ARHGAP42: variants seen among roughly 807,000 people sequenced by gnomAD.
ARHGAP42 encodes Rho GTPase activating protein 42.
Under a neutral mutation model 125.0 loss-of-function variants are expected in ARHGAP42, and 63 were observed. The ratio of observed to expected loss-of-function variants is 0.50; its 90% confidence interval spans 0.41 to 0.62. The LOEUF is 0.62. Among genes scored for constraint, ARHGAP42 ranks in the 20% least tolerant of loss-of-function variants. The probability of loss-of-function intolerance (pLI) is 0.00; values close to 1 mark genes in which losing one functional copy is unlikely to be tolerated. For synonymous variants in ARHGAP42, 339 were observed against 351.0 expected (o/e 0.97, Z 0.38); for missense variants, 766 against 1,024.2 (o/e 0.75, Z 3.44).
At chr11:100,925,051 C>T (rs574029667) in intron 6 of ARHGAP42, among the ~76,000 whole-genome samples, 3 of 152,098 alleles carry the variant, frequency 2.0e-5, no homozygotes, top group African/African-American at 7.2e-5. Flanking sequence ...AGGCTGTTCT[C>T]GAACTCCTGA....
intron 1 of ARHGAP42, among the ~76,000 whole-genome samples, chr11:100,695,416 G>T (rs1279953382): frequency 6.6e-6 from 1 of 152,070 alleles, no homozygotes. Flanking sequence ...CTATTCTCCT[G>T]CCTCAGCCTC....
intron 3 of ARHGAP42, among the ~76,000 whole-genome samples, chr11:100,850,420 A>G (rs1865174779): frequency 6.6e-6 from 1 of 152,168 alleles, no homozygotes; most frequent in Admixed American, 6.6e-5. Context: ...TTGTACTGCA[A>G]TGTCACAACA....
intron 4 of ARHGAP42, among the ~76,000 whole-genome samples, chr11:100,880,308 G>A (rs965252631): frequency 6.6e-5 from 10 of 152,010 alleles, no homozygotes; most frequent in Non-Finnish European, 1.5e-4. Context: ...TTACGCCTTT[G>A]CATCCTCATA....
At chr11:100,871,686 C>T (rs1283299069) in intron 4 of ARHGAP42, among the ~76,000 whole-genome samples, 1 of 152,118 alleles carries the variant, frequency 6.6e-6, no homozygotes, top group Non-Finnish European at 1.5e-5. Context: ...TTTGTCAAAG[C>T]TGCCAGGATT....
intron 17 of ARHGAP42, among the ~76,000 whole-genome samples, chr11:100,967,313 C>T (rs1443201717): frequency 1.3e-5 from 2 of 152,086 alleles, no homozygotes; most frequent in East Asian, 3.9e-4. Flanking sequence ...CTTTGATTCT[C>T]AACTAAATTT....
chr11:100,828,432 A>G (rs1864578786), intron 3 of ARHGAP42, among the ~76,000 whole-genome samples: 1 of 152,162 alleles, frequency 6.6e-6, no homozygotes, highest in African/African-American at 2.4e-5. Context: ...TGTTTGTTCA[A>G]GGAAACTACC....
At chr11:100,913,263 G>A (rs948031619) in intron 4 of ARHGAP42, among the ~76,000 whole-genome samples, 189 bp from the exon 5 acceptor site, 2 of 152,084 alleles carry the variant, frequency 1.3e-5, no homozygotes, top group East Asian at 3.9e-4. Context: ...TTTTTTGAGA[G>A]CAGAGTACAT....
chr11:100,736,279 C>T (rs1050823833), intron 1 of ARHGAP42, among the ~76,000 whole-genome samples: 3 of 151,172 alleles, frequency 2.0e-5, no homozygotes, highest in South Asian at 2.1e-4. Flanking sequence ...TTTACATCTC[C>T]GTTTTCCACA....
At chr11:100,787,121 CA>C (rs67300377) in intron 2 of ARHGAP42, among the ~76,000 whole-genome samples, 75,905 of 151,234 alleles carry the variant, frequency 0.5, 19,882 homozygotes, top group South Asian at 0.63. Flanking sequence ...ACTAAAAATA[CA>C]AAAAAATTAG....
Position 100,877,572 on chromosome 11 carries a change from G to A in ARHGAP42, c.384+17947G>A, listed in dbSNP as rs145593894. Among the ~76,000 whole-genome samples, 23 of 152,284 alleles carry A rather than the reference G, an allele frequency of 1.5e-4. No homozygotes were observed. In the East Asian group the frequency reaches 4.4e-3, roughly 29 times the overall value. On this transcript the variant is annotated intron_variant, in intron 4 of 23. Coordinates refer to ENST00000298815, the MANE Select transcript of ARHGAP42 (RefSeq NM_152432.4). ...CCTACCTCAGATTTGTCTGTATCTT[G>A]AGTCTGGCTTTCCAGAGATTCAGTT... is the stretch of plus-strand genomic sequence containing the variant.
intron 2 of ARHGAP42, among the ~76,000 whole-genome samples, chr11:100,788,456 T>C (rs1863486877): frequency 6.6e-6 from 1 of 152,210 alleles, no homozygotes; most frequent in East Asian, 1.9e-4. Flanking sequence ...AGGTCGTATT[T>C]ACAGTGACAT....
At chr11:100,967,052 A>G (rs1219439573) in intron 17 of ARHGAP42, among the ~76,000 whole-genome samples, 1 of 130,300 alleles carries the variant, frequency 7.7e-6, no homozygotes, top group East Asian at 3.9e-4. Context: ...TGAACTTACA[A>G]AAGGTCAAGC....
chr11:100,858,013 G>C (rs1009410391), intron 3 of ARHGAP42, among the ~76,000 whole-genome samples: 1 of 151,640 alleles, frequency 6.6e-6, no homozygotes, highest in Non-Finnish European at 1.5e-5. Context: ...TTATGATACT[G>C]TCTTTCCCCT....
chr11:100,822,258 G>A (rs555320157), intron 3 of ARHGAP42, among the ~76,000 whole-genome samples: 44 of 152,158 alleles, frequency 2.9e-4, no homozygotes, highest in Admixed American at 7.9e-4. Flanking sequence ...AAATTTTAGA[G>A]TGTATCTTTA....
At chr11:100,837,043 A>G (rs1311416767) in intron 3 of ARHGAP42, among the ~76,000 whole-genome samples, 1 of 152,082 alleles carries the variant, frequency 6.6e-6, no homozygotes, top group African/African-American at 2.4e-5. Flanking sequence ...GTAGTTGCTA[A>G]AATATTTACA....
intron 3 of ARHGAP42, among the ~76,000 whole-genome samples, chr11:100,838,051 C>T (rs1382409469): frequency 1.3e-5 from 2 of 151,560 alleles, no homozygotes; most frequent in Admixed American, 6.6e-5. Flanking sequence ...CTGCCTGCCT[C>T]AGTTCCTGAG....
At chr11:100,893,721 T>C (rs1422828715) in intron 4 of ARHGAP42, among the ~76,000 whole-genome samples, 1 of 152,116 alleles carries the variant, frequency 6.6e-6, no homozygotes, top group Non-Finnish European at 1.5e-5. Flanking sequence ...TAATAATTAA[T>C]TTTGAATTTT....
chr11:100,756,860 A>G (rs1235189293), intron 1 of ARHGAP42, among the ~76,000 whole-genome samples: 1 of 152,218 alleles, frequency 6.6e-6, no homozygotes, highest in East Asian at 1.9e-4. Context: ...TAATGGCTCA[A>G]ATAAACAGCA....
chr11:100,867,449 A>T (rs549722400), intron 4 of ARHGAP42, among the ~76,000 whole-genome samples: 32 of 152,318 alleles, frequency 2.1e-4, no homozygotes, highest in African/African-American at 7.5e-4. Context: ...ATATGTTAGG[A>T]TGTGGCTACT....
Sources: allele counts gnomAD v4.1 joint callset (sites outside exome capture counted in the v4.1 genomes callset), GRCh38; gene constraint gnomAD v4.1.1; transcripts MANE v1.5; gene names NCBI Gene and HGNC (gene_info 2026-07-23, HGNC 2026-07-21).